Variants in GNAL observed in about 807,000 individuals in gnomAD.
GNAL encodes G protein subunit alpha L.
In GNAL, 18 loss-of-function variants were observed where a neutral mutation model predicts 55.1. The ratio of observed to expected loss-of-function variants is 0.33; its 90% CI spans 0.23 to 0.48. The LOEUF (loss-of-function observed/expected upper bound fraction) is 0.48. Among genes scored for constraint, GNAL ranks in the 20% least tolerant of loss-of-function variants. GNAL has a pLI of 0.99. For missense variants in GNAL, 412 were observed against 614.1 expected (o/e 0.67, Z 3.48); for synonymous variants, 253 against 237.0 (o/e 1.07, Z -0.62).
chr18:11,710,851 C>A (rs1434085013), intron 1 of GNAL, among the ~76,000 whole-genome samples: 1 of 151,806 alleles, frequency 6.6e-6, no homozygotes, highest in African/African-American at 2.4e-5. Context: ...AATTTGATTA[C>A]AATGTCTCAG....
intron 9 of GNAL, among the ~76,000 whole-genome samples, chr18:11,871,366 T>A (rs925307124): frequency 1.3e-5 from 2 of 151,758 alleles, no homozygotes; most frequent in African/African-American, 4.8e-5. Flanking sequence ...TTCTCCTGCC[T>A]CAGCCTCCCG....
In GNAL at chr18:11,867,230, AT is replaced by A. The variant is rs761363529; in HGVS notation, c.910+11del. 18 of 1,580,430 alleles carry A rather than the reference AT, an allele frequency of 1.1e-5. No homozygotes were observed. The highest frequency in any genetic ancestry group is 1.5e-5 in the Non-Finnish European group (17 of 1,149,664). ...AAATGGATCCAGTGCTTTAACGGTG[AT>A]TTTTTTATGCTCTCTCAAGAAAATA... On this transcript the variant is annotated splice_donor_5th_base_variant and intron_variant, in intron 8 of 11. Transcript: ENST00000334049.
intron 4 of GNAL, among the ~76,000 whole-genome samples, chr18:11,780,153 C>A (rs567512781): frequency 6.6e-6 from 1 of 152,104 alleles, no homozygotes; most frequent in African/African-American, 2.4e-5. Flanking sequence ...TGACAAGTTT[C>A]TATTTTTAAT....
At chr18:11,756,176 G>A (rs1444440737) in intron 4 of GNAL, among the ~76,000 whole-genome samples, 1 of 152,040 alleles carries the variant, frequency 6.6e-6, no homozygotes, top group African/African-American at 2.4e-5. Flanking sequence ...GAAACAATTG[G>A]TAACTCCCAC....
At chr18:11,818,018 T>C (rs1416607566) in intron 4 of GNAL, among the ~76,000 whole-genome samples, 1 of 151,446 alleles carries the variant, frequency 6.6e-6, no homozygotes, top group Non-Finnish European at 1.5e-5. Context: ...GGCGGATCAC[T>C]TGAGGCCAGC....
chr18:11,802,812 T>A (rs2034553939), intron 4 of GNAL, among the ~76,000 whole-genome samples: 1 of 152,104 alleles, frequency 6.6e-6, no homozygotes. Context: ...TGCCATTTTC[T>A]CCGGGGCTGC....
At chr18:11,733,872 GAA>G (rs10570693) in intron 1 of GNAL, among the ~76,000 whole-genome samples, 7,221 of 98,602 alleles carry the variant, frequency 0.073, 498 homozygotes, top group African/African-American at 0.2. Context: ...GTCTATCACT[GAA>G]AAAAAAAAAA....
In GNAL at chr18:11,752,681, C is replaced by A; in HGVS notation, c.377-172C>A. On this transcript the variant is annotated intron_variant, in intron 1 of 11. Transcript: ENST00000334049. This position sits in a 1 kb window ranked among gnomAD's most constrained non-coding sequence, Gnocchi z 4.5. ...GGCAGGGCCGGGCGAGGGTCGCGCG[C>A]ACCTCTGGGCCGCGGAGCCCAGACG... 2 of 1,222,080 alleles carry A rather than the reference C, an allele frequency of 1.6e-6. No individual in the cohort carries two copies. The highest frequency in any genetic ancestry group is 2.1e-6 in the Non-Finnish European group (2 of 934,230). 75.7% of individuals were successfully genotyped at this position (1,222,080 alleles called of 1,614,324 possible). A position where few individuals can be genotyped will look rare whatever the true frequency, so the allele number is the denominator to read the frequency against.
intron 1 of GNAL, among the ~76,000 whole-genome samples, chr18:11,707,936 C>T (rs1002899849): frequency 6.6e-6 from 1 of 152,258 alleles, no homozygotes; most frequent in African/African-American, 2.4e-5. Context: ...TCGCCTCTCT[C>T]AACCTTCCTA....
chr18:11,691,415 G>C (rs2031243748), intron 1 of GNAL, among the ~76,000 whole-genome samples: 2 of 151,194 alleles, frequency 1.3e-5, no homozygotes, highest in Non-Finnish European at 2.9e-5. Context: ...TAGGTTGCCT[G>C]TTTACTCTGA....
chr18:11,750,372 G>A (rs897537994), intron 1 of GNAL, among the ~76,000 whole-genome samples: 5 of 152,136 alleles, frequency 3.3e-5, no homozygotes, highest in Non-Finnish European at 7.3e-5. Flanking sequence ...CAGCAGGATG[G>A]GCTGGGCTAG....
At position 11,854,985 on chromosome 18, in the gene GNAL, A is replaced by C. The variant is rs546347275; in HGVS notation, c.723-7410A>C. On this transcript the variant is annotated intron_variant, in intron 5 of 11. Coordinates refer to ENST00000334049, the MANE Select transcript of GNAL (RefSeq NM_182978.4). ...TCGCCCAGGCTGAAGTGCCACCACG[A>C]TCTCGGCTCACTGCTGCCTCCACCT... 1.2e-3 allele frequency among the ~76,000 whole-genome samples: 178 copies of C among 152,138 alleles called. 1 individual carries two copies. The highest frequency in any genetic ancestry group is 4.0e-3 in the African/African-American group (167 of 41,502).
chr18:11,862,176 A>C (rs1159057544), intron 5 of GNAL, among the ~76,000 whole-genome samples: 1 of 152,010 alleles, frequency 6.6e-6, no homozygotes, highest in Non-Finnish European at 1.5e-5. Flanking sequence ...GGCAACATTA[A>C]AAAAAAGAAA....
At chr18:11,875,481 A>G (rs999794255) in intron 10 of GNAL, among the ~76,000 whole-genome samples, 5 of 152,170 alleles carry the variant, frequency 3.3e-5, no homozygotes, top group African/African-American at 9.7e-5. Context: ...GGGATGGATC[A>G]TTTTTGAATG....
intron 1 of GNAL, among the ~76,000 whole-genome samples, chr18:11,696,305 A>C (rs1256075254): frequency 6.6e-6 from 1 of 151,842 alleles, no homozygotes; most frequent in Non-Finnish European, 1.5e-5. Flanking sequence ...GCTCGAGACC[A>C]TCCTGGCTAA....
Position 11,689,955 on chromosome 18 carries a change from G to A in GNAL, c.376+16G>A. 1 of 1,268,794 alleles carries A rather than the reference G, an allele frequency of 7.9e-7. No homozygotes were observed. The highest frequency in any genetic ancestry group is 2.6e-5 in the South Asian group (1 of 38,852). The allele number at this position is 1,268,794 out of a possible 1,614,324, so 78.6% of individuals were successfully genotyped here. A position where few individuals can be genotyped will look rare whatever the true frequency, so the allele number is the denominator to read the frequency against. On this transcript the variant is annotated intron_variant, in intron 1 of 11. Coordinates refer to ENST00000334049, the MANE Select transcript of GNAL (RefSeq NM_182978.4). The stretch of plus-strand genomic sequence containing the variant: ...CTGCTGCTCGGTAGGTCCCGGCCGC[G>A]AGGTCGGCTGACGCCCCGGGGACAG...
chr18:11,735,548 C>T (rs1047656907), intron 1 of GNAL, among the ~76,000 whole-genome samples: 1 of 151,802 alleles, frequency 6.6e-6, no homozygotes. Flanking sequence ...CCCAGGAGTT[C>T]GAGATCAGCC....
intron 4 of GNAL, among the ~76,000 whole-genome samples, chr18:11,801,149 G>A (rs1391735974): frequency 6.6e-6 from 1 of 152,196 alleles, no homozygotes; most frequent in African/African-American, 2.4e-5. Flanking sequence ...CAAGGGCAAT[G>A]CTAAGTGCTT....
chr18:11,794,205 C>A (rs1029347429), intron 4 of GNAL, among the ~76,000 whole-genome samples: 1 of 152,160 alleles, frequency 6.6e-6, no homozygotes, highest in Non-Finnish European at 1.5e-5. Context: ...TTCTCAAAAG[C>A]TGAAACATAG....
Sources: gnomAD v4.1 joint callset for allele counts (sites outside exome capture counted in the v4.1 genomes callset) on GRCh38, gnomAD v4.1.1 for gene constraint, Gnocchi (gnomAD v3.1) non-coding constraint, MANE v1.5 for transcripts, NCBI Gene and HGNC (gene_info 2026-07-23, HGNC 2026-07-21) for gene names.